GNG4: variants seen among roughly 807,000 people sequenced by gnomAD.
GNG4 encodes G protein subunit gamma 4, also known as guanine nucleotide-binding protein G(I)/G(S)/G(O) subunit gamma-4.
GNG4 carries 4 observed loss-of-function variants against 5.8 expected under a neutral mutation model. The observed-to-expected ratio is 0.69, with a 90% CI of 0.34 to 1.57. The LOEUF (loss-of-function observed/expected upper bound fraction) is 1.57. Among genes scored for constraint, GNG4 ranks in the 40% most tolerant of loss-of-function variants. The pLI is 0.06. For missense variants in GNG4, 96 were observed against 95.1 expected (o/e 1.01, Z -0.04); for synonymous variants, 29 against 32.9 (o/e 0.88, Z 0.41).
chr1:235,608,426 A>G (rs80295800), intron 1 of GNG4, among the ~76,000 whole-genome samples: 6,101 of 152,306 alleles, frequency 0.04, 404 homozygotes, highest in African/African-American at 0.14. Flanking sequence ...TACATCCACA[A>G]TGTTGTGCAA....
At chr1:235,628,119 G>A (rs1688854319) in intron 1 of GNG4, among the ~76,000 whole-genome samples, 2 of 152,186 alleles carry the variant, frequency 1.3e-5, no homozygotes, top group Non-Finnish European at 2.9e-5. Flanking sequence ...GGTGGAGGTT[G>A]CAGTGGGCTG....
chr1:235,615,214 G>A (rs893846327), intron 1 of GNG4: 9 of 152,266 alleles, frequency 5.9e-5, no homozygotes, highest in Admixed American at 3.9e-4. Context: ...GACCTTGTAA[G>A]TGAAAGGGCG....
chr1:235,556,941 T>C (rs1461411460), intron 3 of GNG4, among the ~76,000 whole-genome samples: 1 of 151,818 alleles, frequency 6.6e-6, no homozygotes, highest in Non-Finnish European at 1.5e-5. Context: ...CAGTTCACAA[T>C]TGGGTTTGTG....
In GNG4 at chr1:235,570,949, T is replaced by TA. The variant is rs1192972552; in HGVS notation, c.99+12790dup. On this transcript the variant is annotated intron_variant, in intron 3 of 3. Transcript: ENST00000391854. ...ACACACACACACACACACACACATA[T>TA]ATATATACATACCTTTTTTTTTTTT... Among the ~76,000 whole-genome samples, 4 of 120,456 alleles carry TA rather than the reference T, an allele frequency of 3.3e-5. No homozygotes were observed. In the South Asian group the frequency reaches 1.1e-3, roughly 32 times the overall value. The allele number at this position is 120,456 out of a possible 152,430, so 79.0% of individuals were successfully genotyped here.
chr1:235,566,533 A>C (rs1049871194), intron 3 of GNG4: 2 of 157,958 alleles, frequency 1.3e-5, no homozygotes, highest in African/African-American at 4.8e-5. Context: ...TGTAATAATA[A>C]TAGCAATAAA....
At chr1:235,570,388 C>T (rs1687301798) in intron 3 of GNG4, among the ~76,000 whole-genome samples, 1 of 138,730 alleles carries the variant, frequency 7.2e-6, no homozygotes, top group African/African-American at 2.7e-5. Context: ...GTTAGTTTCA[C>T]CTCTTCTTTT....
chr1:235,591,087 G>A (rs1334233536), intron 2 of GNG4, among the ~76,000 whole-genome samples: 1 of 152,178 alleles, frequency 6.6e-6, no homozygotes, highest in East Asian at 1.9e-4. Context: ...TGGTATTGCA[G>A]GGGAACATGG....
At chr1:235,554,845 C>CAAAAAAAA (rs34093722) in intron 3 of GNG4, among the ~76,000 whole-genome samples, 1 of 84,402 alleles carries the variant, frequency 1.2e-5, no homozygotes, top group Non-Finnish European at 2.3e-5. Context: ...AACTCCATCT[C>CAAAAAAAA]AAAAAAAAAA....
At chr1:235,608,157 C>T (rs776951421) in intron 1 of GNG4, among the ~76,000 whole-genome samples, 2 of 151,886 alleles carry the variant, frequency 1.3e-5, no homozygotes, top group Admixed American at 6.6e-5. Context: ...AGGATGGTCT[C>T]GAACTCCTGA....
intron 1 of GNG4, among the ~76,000 whole-genome samples, chr1:235,631,438 G>A (rs59578924): frequency 0.015 from 2,275 of 152,310 alleles, 68 homozygotes; most frequent in African/African-American, 0.051. Context: ...GGGAAGCACC[G>A]TCCTGGAGCA....
chr1:235,597,586 T>TTC (rs1688152677), intron 1 of GNG4, among the ~76,000 whole-genome samples: 1 of 83,118 alleles, frequency 1.2e-5, no homozygotes, highest in Non-Finnish European at 2.6e-5. Flanking sequence ...TTAACTTGTT[T>TTC]GCTGTGTGTG....
At position 235,607,321 on chromosome 1, in the gene GNG4, A is replaced by G. The variant is rs186820077; in HGVS notation, c.-122-11810T>C. On this transcript the variant is annotated intron_variant, in intron 1 of 3. Coordinates refer to ENST00000391854, the MANE Select transcript of GNG4 (RefSeq NM_001098722.2). Reference sequence around the variant, plus strand: ...AGGTAAAAGATTACTTAGTGCCAATAAAACTAATTATTCTTTCCAGACCAA... The same window carrying G: ...AGGTAAAAGATTACTTAGTGCCAATGAAACTAATTATTCTTTCCAGACCAA... Among the ~76,000 whole-genome samples, 563 of 150,142 alleles carry G rather than the reference A, an allele frequency of 3.7e-3. 4 individuals carry two copies. The highest frequency in any genetic ancestry group is 0.013 in the African/African-American group (531 of 39,446).
In GNG4 at chr1:235,596,720, CT is replaced by C. The variant is rs925430128; in HGVS notation, c.-122-1210del. 3.3e-3 allele frequency among the ~76,000 whole-genome samples: 497 copies of C among 151,036 alleles called. 1 individual carries two copies. The highest frequency in any genetic ancestry group is 0.012 in the African/African-American group (479 of 41,186). Reference sequence around the variant, plus strand: ...GAAGAGATCAGACGACTCGAAAGCTCTTTTTTTTTAATATTTATTTTTTGAG... The same window carrying C: ...GAAGAGATCAGACGACTCGAAAGCTCTTTTTTTTAATATTTATTTTTTGAG... On this transcript the variant is annotated intron_variant, in intron 1 of 3. Coordinates refer to ENST00000391854, the MANE Select transcript of GNG4 (RefSeq NM_001098722.2).
At chr1:235,558,621 G>C (rs1686979944) in intron 3 of GNG4, among the ~76,000 whole-genome samples, 1 of 152,140 alleles carries the variant, frequency 6.6e-6, no homozygotes, top group Admixed American at 6.5e-5. Context: ...TACCAAATAG[G>C]GGTTGCAGAC....
At chr1:235,582,172 C>T (rs1291126232) in intron 3 of GNG4, among the ~76,000 whole-genome samples, 1 of 152,232 alleles carries the variant, frequency 6.6e-6, no homozygotes, top group East Asian at 1.9e-4. Flanking sequence ...CTCCTTGCCT[C>T]TCTTGATTAC....
intron 2 of GNG4, among the ~76,000 whole-genome samples, chr1:235,588,437 C>T (rs1687879506): frequency 1.3e-5 from 2 of 152,118 alleles, no homozygotes; most frequent in South Asian, 4.1e-4. Context: ...CCCCTGGCTC[C>T]ATACTTAGCC....
intron 1 of GNG4, chr1:235,616,352 G>A (rs535496218): frequency 5.7e-5 from 24 of 422,422 alleles, no homozygotes; most frequent in Middle Eastern, 7.5e-4. Flanking sequence ...CAGATTCACC[G>A]TCATGCTGGT....
At chr1:235,581,521 G>C (rs1207047120) in intron 3 of GNG4, among the ~76,000 whole-genome samples, 1 of 135,454 alleles carries the variant, frequency 7.4e-6, no homozygotes, top group Non-Finnish European at 1.6e-5. Context: ...TCTCAAAAAA[G>C]AAAAAAAAAA....
At chr1:235,556,112 C>T (rs992361805) in intron 3 of GNG4, among the ~76,000 whole-genome samples, 2 of 151,862 alleles carry the variant, frequency 1.3e-5, no homozygotes, top group African/African-American at 2.4e-5. Context: ...GGTGATCTGC[C>T]CGCCTCGGCC....
Sources: gnomAD v4.1 joint callset for allele counts (sites outside exome capture counted in the v4.1 genomes callset) on GRCh38, gnomAD v4.1.1 for gene constraint, MANE v1.5 for transcripts, NCBI Gene and HGNC (gene_info 2026-07-23, HGNC 2026-07-21) for gene names.